The following CTNNA3 variants were observed in gnomAD, a reference collection of about 807,000 sequenced individuals.
The protein encoded by CTNNA3 is catenin alpha-3.
CTNNA3 carries 76 observed loss-of-function variants against 95.7 expected under a neutral mutation model. That is an observed-to-expected ratio of 0.79 (90% confidence interval 0.66 to 0.96). The LOEUF (loss-of-function observed/expected upper bound fraction) is 0.96, where lower values mean the gene tolerates loss of function less well. CTNNA3 is among the 40% of genes least tolerant of loss of function. The pLI, the probability that CTNNA3 is intolerant of heterozygous loss-of-function variation, is 0.00. For synonymous variants in CTNNA3, 431 were observed against 374.4 expected, an observed-to-expected ratio of 1.15 and a Z score of -1.74; for missense variants, 1,191 against 1,089.8, an observed-to-expected ratio of 1.09 and a Z score of -1.31.
chr10:66,551,896 C>CTTTTTTTTTTTTTTTTT lies in CTNNA3; in HGVS notation c.1375-31140_1375-31124dup, dbSNP rs141885331. 1.8e-5 allele frequency among the ~76,000 whole-genome samples: 2 copies of CTTTTTTTTTTTTTTTTT among 113,964 alleles called. 1 individual carries two copies. Among genetic ancestry groups the CTTTTTTTTTTTTTTTTT allele is most frequent in the Non-Finnish European group, 3.6e-5 (2 of 55,964 alleles). The allele number at this position is 113,964 out of a possible 152,430, so 74.8% of individuals were successfully genotyped here. A position where few individuals can be genotyped will look rare whatever the true frequency, so the allele number is the denominator to read the frequency against. ...CGGGATTAGGGAATCTTTTCTTTTC[C>CTTTTTTTTTTTTTTTTT]TTTTTTTTTTTTTTTTTTTTTTCTG... On this transcript the variant is annotated intron_variant, in intron 10 of 17. Coordinates refer to ENST00000433211, the MANE Select transcript of CTNNA3 (RefSeq NM_013266.4).
chr10:67,593,905 G>A (rs1842859420), intron 3 of CTNNA3, among the ~76,000 whole-genome samples: 1 of 152,070 alleles, frequency 6.6e-6, no homozygotes, highest in East Asian at 1.9e-4. Context: ...TGTCATAGAT[G>A]GCTTTTATTA....
At chr10:66,921,520 G>A (rs2032514517) in intron 7 of CTNNA3, among the ~76,000 whole-genome samples, 1 of 152,010 alleles carries the variant, frequency 6.6e-6, no homozygotes, top group Admixed American at 6.6e-5. Context: ...CTATCACTTG[G>A]TCTCTCCATT....
intron 17 of CTNNA3, among the ~76,000 whole-genome samples, chr10:65,938,517 G>T (rs939277752): frequency 3.3e-5 from 5 of 152,124 alleles, no homozygotes; most frequent in African/African-American, 1.2e-4. Flanking sequence ...GTTGGAAGAG[G>T]CTTGACAGAA....
chr10:66,548,869 A>T (rs1051556754), intron 10 of CTNNA3, among the ~76,000 whole-genome samples: 1 of 151,936 alleles, frequency 6.6e-6, no homozygotes, highest in Admixed American at 6.6e-5. Context: ...AATATTTATT[A>T]AGGATTTTTT....
In CTNNA3 at chr10:67,138,731, C is replaced by T. The variant is rs149070409; in HGVS notation, c.1047+41586G>A. 4.1e-4 allele frequency among the ~76,000 whole-genome samples: 63 copies of T among 152,220 alleles called. No homozygotes were observed. In the East Asian group the frequency reaches 9.7e-3, roughly 23 times the overall value. Reference sequence around the variant, plus strand: ...GCCCATAAATGAGCACCCAACCCAACTTTCTGGGTTTTTTGAAAAAAAATA... The same window carrying T: ...GCCCATAAATGAGCACCCAACCCAATTTTCTGGGTTTTTTGAAAAAAAATA... On this transcript the variant is annotated intron_variant, in intron 7 of 17. Transcript: ENST00000433211.
intron 7 of CTNNA3, among the ~76,000 whole-genome samples, chr10:66,951,429 T>G (rs577489762): frequency 6.6e-6 from 1 of 152,278 alleles, no homozygotes; most frequent in East Asian, 1.9e-4. Flanking sequence ...CACCATATCT[T>G]TTAAATGGCT....
intron 2 of CTNNA3, among the ~76,000 whole-genome samples, chr10:67,627,729 T>A (rs986910290): frequency 3.3e-5 from 5 of 152,016 alleles, no homozygotes; most frequent in African/African-American, 1.2e-4. Context: ...TGATGAAACA[T>A]CTTTCTAAAA....
rs1453720797 is a variant in CTNNA3 at position 66,563,784 on chromosome 10, T to A, written c.1375-43011A>T. ...ACATCTGATTGCTTCCTTTGCCCTATTGTTTCACGAAGCCAGACTAAGACA... is the reference window on the plus strand; with the variant it reads ...ACATCTGATTGCTTCCTTTGCCCTAATGTTTCACGAAGCCAGACTAAGACA... On this transcript the variant is annotated intron_variant, in intron 10 of 17. Coordinates refer to ENST00000433211, the MANE Select transcript of CTNNA3 (RefSeq NM_013266.4). 2.0e-5 allele frequency among the ~76,000 whole-genome samples: 3 copies of A among 152,112 alleles called. No homozygotes were observed. The East Asian group carries it at 5.8e-4, about 29-fold the overall frequency.
intron 2 of CTNNA3, among the ~76,000 whole-genome samples, chr10:67,645,062 G>T (rs562138262): frequency 2.8e-4 from 43 of 152,168 alleles, no homozygotes; most frequent in African/African-American, 1.0e-3. Context: ...TTTTAAAAGA[G>T]ATACATTTCT....
At chr10:67,632,410 A>G (rs1839174820) in intron 2 of CTNNA3, among the ~76,000 whole-genome samples, 1 of 152,108 alleles carries the variant, frequency 6.6e-6, no homozygotes, top group Admixed American at 6.6e-5. Context: ...ATGGACAATT[A>G]GAAGCAGCTG....
intron 12 of CTNNA3, among the ~76,000 whole-genome samples, chr10:66,335,999 C>T (rs1037512924): frequency 6.6e-6 from 1 of 152,162 alleles, no homozygotes; most frequent in South Asian, 2.1e-4. Context: ...TAGCAATGAG[C>T]GAGGCTCCGT....
At chr10:65,971,551 C>G (rs1298599075) in intron 16 of CTNNA3, among the ~76,000 whole-genome samples, 1 of 151,746 alleles carries the variant, frequency 6.6e-6, no homozygotes, top group Non-Finnish European at 1.5e-5. Context: ...CACATCTGTG[C>G]ATACAAACTA....
intron 3 of CTNNA3, among the ~76,000 whole-genome samples, chr10:67,598,803 T>C (rs1266188220): frequency 6.6e-6 from 1 of 151,946 alleles, no homozygotes; most frequent in Non-Finnish European, 1.5e-5. Flanking sequence ...GGACAGAGTC[T>C]GGGAAAGGAC....
At chr10:67,276,747 G>C (rs546025826) in intron 5 of CTNNA3, among the ~76,000 whole-genome samples, 3 of 152,046 alleles carry the variant, frequency 2.0e-5, no homozygotes, top group Admixed American at 2.0e-4. Flanking sequence ...AAGATGGATC[G>C]TGAATTGATA....
chr10:66,673,095 C>A, intron 9 of CTNNA3, among the ~76,000 whole-genome samples: 1 of 152,060 alleles, frequency 6.6e-6, no homozygotes, highest in Non-Finnish European at 1.5e-5. Flanking sequence ...GCATTTACTA[C>A]TGCCAAGGAT....
intron 1 of CTNNA3, among the ~76,000 whole-genome samples, chr10:67,739,438 T>C (rs1405223563): frequency 6.6e-6 from 1 of 152,280 alleles, no homozygotes; most frequent in African/African-American, 2.4e-5. Flanking sequence ...CTCCTTAAGC[T>C]GATAAGCAAC....
intron 1 of CTNNA3, among the ~76,000 whole-genome samples, chr10:67,664,326 C>T (rs1182904745): frequency 2.6e-5 from 4 of 152,152 alleles, no homozygotes; most frequent in African/African-American, 7.2e-5. Context: ...TTTACTTTCA[C>T]ATAAGTTAGT....
intron 14 of CTNNA3, chr10:66,085,021 T>C (rs939046987): frequency 1.3e-5 from 2 of 152,040 alleles, no homozygotes; most frequent in Non-Finnish European, 2.9e-5. Flanking sequence ...AAGCCCTCCT[T>C]GAGCTGCTCA....
rs139743646 is a variant in CTNNA3, at chr10:66,038,200, T to C, written c.2159+31108A>G. ...TGGTATGGAAAACATTATATGTATA[T>C]GAAATATTTGCTTATTAAGGTGAAT... On this transcript the variant is annotated intron_variant, in intron 15 of 17. Coordinates refer to ENST00000433211, the MANE Select transcript of CTNNA3 (RefSeq NM_013266.4). 6.5e-3 allele frequency among the ~76,000 whole-genome samples: 988 copies of C among 152,366 alleles called. 4 individuals are homozygous for C. Among genetic ancestry groups the C allele is most frequent in the Non-Finnish European group, 9.1e-3 (619 of 68,034 alleles).
Sources: allele counts gnomAD v4.1 joint callset (sites outside exome capture counted in the v4.1 genomes callset), GRCh38; gene constraint gnomAD v4.1.1; transcripts MANE v1.5; gene names NCBI Gene and HGNC (gene_info 2026-07-23, HGNC 2026-07-21).